RNF167: variants seen among roughly 807,000 people sequenced by gnomAD.
RNF167 encodes E3 ubiquitin-protein ligase RNF167.
RNF167 carries 19 observed loss-of-function variants against 34.8 expected under a neutral mutation model. That is an observed-to-expected ratio of 0.55 (90% CI 0.38 to 0.80). The LOEUF (loss-of-function observed/expected upper bound fraction) is 0.80, where lower values mean the gene tolerates loss of function less well. Among genes scored for constraint, RNF167 ranks in the 30% least tolerant of loss-of-function variants. The probability of loss-of-function intolerance (pLI) is 0.00; values close to 1 mark genes in which losing one functional copy is unlikely to be tolerated. For synonymous variants in RNF167, 200 were observed against 170.4 expected (o/e 1.17, Z -1.35); for missense variants, 464 against 447.0 (o/e 1.04, Z -0.34).
In RNF167 at chr17:4,942,298, C is replaced by T. The variant is rs1970890102; in HGVS notation, c.166-43C>T. The stretch of plus-strand genomic sequence containing the variant: ...TGGTGGCCCCTGTAGAGAGCAGAAT[C>T]TAGAAAGGAGAAATCTCACTGTTGT... On this transcript the variant is annotated intron_variant, in intron 3 of 9. Transcript: ENST00000262482. The T allele has an allele frequency of 1.9e-6, 3 of 1,605,350 alleles. No homozygotes were observed. The African/African-American group carries it at 4.0e-5, about 21-fold the overall frequency.
intron 8 of RNF167, among the ~76,000 whole-genome samples, chr17:4,944,008 A>T (rs1971113309): frequency 6.6e-6 from 1 of 152,074 alleles, no homozygotes. Flanking sequence ...ATAATAATAA[A>T]AATAAAGATG....
rs773591025 is a variant in RNF167 at position 4,943,634 on chromosome 17, G to A, written c.670+115G>A. Reference sequence around the variant, plus strand: ...GCAGTGGCCGGGCACAGTGGCTCACGTAATCCCAAGTGCCTCTAATCCCAG... The same window carrying A: ...GCAGTGGCCGGGCACAGTGGCTCACATAATCCCAAGTGCCTCTAATCCCAG... On this transcript the variant is annotated intron_variant, in intron 8 of 9. Coordinates refer to ENST00000262482, the MANE Select transcript of RNF167 (RefSeq NM_015528.3). 91 of 830,130 alleles carry A rather than the reference G, an allele frequency of 1.1e-4. 1 individual carries two copies. In the Admixed American group the frequency reaches 1.2e-3, roughly 11 times the overall value. 51.4% of individuals were successfully genotyped at this position (830,130 alleles called of 1,614,324 possible).
chr17:4,945,007 C>T lies in RNF167; in HGVS notation c.1044C>T (p.Ile348=), dbSNP rs765964485. The T allele has an allele frequency of 1.9e-5, 30 of 1,544,430 alleles. No individual in the cohort carries two copies. Among genetic ancestry groups the T allele is most frequent in the Non-Finnish European group, 2.5e-5 (29 of 1,146,064 alleles). Residue 348 remains isoleucine (I), a synonymous_variant, in exon 10 of 10, where the codon ATC becomes ATT. Coordinates refer to ENST00000262482, the MANE Select transcript of RNF167 (RefSeq NM_015528.3). ...PPLSPPSSPV[I]LV ...TGTCCCCTCCCTCTTCCCCTGTTAT[C>T]CTGGTCTAATAACCCCCCACACATA...
Position 4,941,109 on chromosome 17 carries a change from A to C in RNF167, c.117A>C (p.Ala39=). 1 of 1,614,236 alleles carries C rather than the reference A, an allele frequency of 6.2e-7. No individual in the cohort carries two copies. Among genetic ancestry groups the C allele is most frequent in the Non-Finnish European group, 8.5e-7 (1 of 1,180,034 alleles). The part of the protein sequence containing the change: ...TSDHNASMDF[A]DLPALFGATL... The stretch of plus-strand genomic sequence containing the variant: ...ACCACAATGCCAGCATGGACTTTGC[A>C]GACCTTCCAGCTCTGTTTGGGGCTA... Residue 39 remains alanine, a synonymous_variant, in exon 3 of 10, where the codon GCA becomes GCC. Coordinates refer to ENST00000262482, the MANE Select transcript of RNF167 (RefSeq NM_015528.3).
upstream of RNF167, chr17:4,940,120 G>T: frequency 2.3e-6 from 1 of 434,414 alleles, no homozygotes; most frequent in East Asian, 3.9e-5. Context: ...TGATGGAAGC[G>T]TGCGAGAAGG....
chr17:4,942,282 C>T, intron 3 of RNF167, 59 bp from the exon 4 acceptor site: 1 of 1,594,024 alleles, frequency 6.3e-7, no homozygotes, highest in African/African-American at 1.3e-5. Flanking sequence ...TTGGTGGCCC[C>T]TGTAGAGAGC....
Position 4,942,415 on chromosome 17 carries a change from G to C in RNF167, c.240G>C (p.Gly80=). ...CACCACCCCCAGCCCCGGTCAATGG[G>C]TCAGTCTTTATTGCGCTGCTTCGAA... ...IAPPPPAPVN[G]SVFIALLRRF... The change falls in exon 4 of 10, where the codon GGG becomes GGC. Residue 80 remains glycine, a synonymous_variant. Coordinates refer to ENST00000262482, the MANE Select transcript of RNF167 (RefSeq NM_015528.3). The C allele has an allele frequency of 6.2e-7, 1 of 1,614,154 alleles. No homozygotes were observed. Among genetic ancestry groups the C allele is most frequent in the Non-Finnish European group, 8.5e-7 (1 of 1,180,032 alleles).
At chr17:4,943,024 A>C in intron 6 of RNF167, 83 bp downstream of exon 6, 1 of 1,392,718 alleles carries the variant, frequency 7.2e-7, no homozygotes. Context: ...CATTACCCGA[A>C]CCATTCAGCC....
chr17:4,943,586 A>T, intron 8 of RNF167, 67 bp downstream of exon 8: 1 of 1,287,708 alleles, frequency 7.8e-7, no homozygotes, highest in Non-Finnish European at 1.1e-6. Context: ...CTTTGAGCCC[A>T]GAAGATAGGG....
intron 8 of RNF167, 63 bp from the exon 9 acceptor site, chr17:4,944,495 A>C: frequency 3.3e-6 from 5 of 1,515,736 alleles, no homozygotes; most frequent in Non-Finnish European, 4.4e-6. Flanking sequence ...CAAGGCTTTA[A>C]AAGCCTTAGC....
Position 4,941,521 on chromosome 17 carries a change from TG to T in RNF167, c.165+367del, listed in dbSNP as rs1970803427. Among the ~76,000 whole-genome samples the T allele has an allele frequency of 5.3e-5, 8 of 152,284 alleles. No homozygotes were observed. The South Asian group carries it at 1.7e-3, about 32-fold the overall frequency. On this transcript the variant is annotated intron_variant, in intron 3 of 9. Transcript: ENST00000262482. ...AGCCTTAGTTTGTTTTACTGTAAAA[TG>T]GGATATTAGAAGTTTTCCTAGGGTT...
intron 6 of RNF167, 54 bp downstream of exon 6, chr17:4,942,995 C>A (rs2151123803): frequency 6.5e-7 from 1 of 1,543,648 alleles, no homozygotes; most frequent in Non-Finnish European, 9.0e-7. Context: ...TCCATGCCAA[C>A]CTGGAGCCCA....
At chr17:4,941,803 A>G (rs1454584645) in intron 3 of RNF167, among the ~76,000 whole-genome samples, 1 of 152,116 alleles carries the variant, frequency 6.6e-6, no homozygotes, top group Non-Finnish European at 1.5e-5. Flanking sequence ...TGTAGTCCCA[A>G]CTACTTGGGA....
At chr17:4,944,402 A>G in intron 8 of RNF167, 156 bp from the exon 9 acceptor site, 1 of 1,379,882 alleles carries the variant, frequency 7.2e-7, no homozygotes, top group Non-Finnish European at 9.4e-7. Context: ...CTAGCCCTAA[A>G]TTCTTCCATG....
rs1597655260 is a variant in RNF167, at chr17:4,940,724, C to T, written c.-186C>T. On this transcript the variant is annotated 5_prime_UTR_variant, in exon 2 of 10. The change creates a new upstream start codon in the 5' untranslated region. Transcript: ENST00000262482. Reference sequence around the variant, plus strand: ...GTGCCTCCCACCCAGCTCCACTAAACGGGTTGGATATCTCATTCTTTGAGT... The same window carrying T: ...GTGCCTCCCACCCAGCTCCACTAAATGGGTTGGATATCTCATTCTTTGAGT... The T allele has an allele frequency of 7.5e-6, 4 of 534,240 alleles. No homozygotes were observed. Among genetic ancestry groups the T allele is most frequent in the African/African-American group, 1.9e-5 (1 of 52,124 alleles). The allele number at this position is 534,240 out of a possible 1,614,324, so 33.1% of individuals were successfully genotyped here.
intron 8 of RNF167, chr17:4,944,319 C>CCCTA: frequency 1.1e-6 from 1 of 944,180 alleles, no homozygotes; most frequent in Non-Finnish European, 1.4e-6. Flanking sequence ...TCCTTCCACT[C>CCCTA]CCTATCTCCA....
chr17:4,942,205 C>T (rs1387990436), intron 3 of RNF167, 136 bp from the exon 4 acceptor site: 1 of 985,824 alleles, frequency 1.0e-6, no homozygotes, highest in Non-Finnish European at 1.5e-6. Context: ...TGGTGGGATG[C>T]TCACTCAGAC....
Position 4,943,475 on chromosome 17 carries a change from C to G in RNF167, c.626C>G (p.Thr209Ser), listed in dbSNP as rs149365494. Residue 209 changes from threonine to serine, a missense_variant, in exon 8 of 10, where the codon ACC (threonine) becomes AGC (serine). Physicochemically the swap from Thr to Ser is moderately conservative, Grantham distance 58. Coordinates refer to ENST00000262482, the MANE Select transcript of RNF167 (RefSeq NM_015528.3). ...AAACGGCTCCAGCGGAATCGACTTA[C>G]CAAAGAGCAACTGAAACAGATTCCT... ...HRKRLQRNRL[T>S]KEQLKQIPTH... 3 of 1,613,854 alleles carry G rather than the reference C, an allele frequency of 1.9e-6. No individual in the cohort carries two copies. Among genetic ancestry groups the G allele is most frequent in the Non-Finnish European group, 2.5e-6 (3 of 1,179,982 alleles).
rs780742638 is a variant in RNF167 at position 4,942,878 on chromosome 17, C to T, written c.407C>T (p.Pro136Leu). 6.2e-6 allele frequency: 10 copies of T among 1,613,990 alleles called. No homozygotes were observed. Among genetic ancestry groups the T allele is most frequent in the Admixed American group, 3.3e-5 (2 of 59,998 alleles). ...SEEIQQQIWI[P>L]SVFIGERSSE... ...GAAATCCAGCAGCAGATCTGGATCC[C>T]GTCTGTATTTATTGGGGAGAGAAGC... Residue 136 changes from proline to leucine, a missense_variant, in exon 6 of 10, where the codon CCG becomes CTG. By Grantham distance (98) the Pro-to-Leu change is moderately conservative (BLOSUM62 -3). Transcript: ENST00000262482.
Sources: allele counts gnomAD v4.1 joint callset (sites outside exome capture counted in the v4.1 genomes callset), GRCh38; gene constraint gnomAD v4.1.1; transcripts MANE v1.5; gene names NCBI Gene and HGNC (gene_info 2026-07-23, HGNC 2026-07-21).